RBFOX1: variants seen among roughly 807,000 people sequenced by gnomAD.
The protein encoded by RBFOX1 is RNA binding protein fox-1 homolog 1.
In RBFOX1, 8 loss-of-function variants were observed where a neutral mutation model predicts 57.7. The observed-to-expected ratio is 0.14, with a 90% CI of 0.08 to 0.25. The LOEUF (loss-of-function observed/expected upper bound fraction) is 0.25. Among genes scored for constraint, RBFOX1 ranks in the 10% least tolerant of loss-of-function variants. The pLI, the probability that RBFOX1 is intolerant of heterozygous loss-of-function variation, is 1.00. For missense variants in RBFOX1, 611 were observed against 548.5 expected (o/e 1.11, Z -1.14); for synonymous variants, 326 against 222.4 (o/e 1.47, Z -4.15).
At chr16:5,478,798 C>T (rs1326466011) in intron 2 of RBFOX1, among the ~76,000 whole-genome samples, 1 of 152,048 alleles carries the variant, frequency 6.6e-6, no homozygotes, top group South Asian at 2.1e-4. Flanking sequence ...CAGGAGGAGG[C>T]AGGAGAGAAG....
intron 3 of RBFOX1, among the ~76,000 whole-genome samples, chr16:6,766,385 A>C (rs903078073): frequency 6.6e-6 from 1 of 151,940 alleles, no homozygotes; most frequent in African/African-American, 2.4e-5. Flanking sequence ...TTTTCATTGT[A>C]AATATTATTA....
At chr16:5,742,836 G>T (rs2052825770) in intron 3 of RBFOX1, among the ~76,000 whole-genome samples, 1 of 152,176 alleles carries the variant, frequency 6.6e-6, no homozygotes, top group South Asian at 2.1e-4. Flanking sequence ...AACCAATGGG[G>T]GCTAAGAGCT....
In RBFOX1 at chr16:5,573,374, C is replaced by T. The variant is rs146837134; in HGVS notation, c.259-25528C>T. ...GACCTGAGCTGTTCCACCTCTTCCC[C>T]TGCCTATGTCATGATCACTTTTGGG... On this transcript the variant is annotated intron_variant, in intron 2 of 2. Coordinates refer to the RBFOX1 transcript ENST00000585867. 3.0e-3 allele frequency among the ~76,000 whole-genome samples: 456 copies of T among 152,310 alleles called. 2 individuals are homozygous for T. The highest frequency in any genetic ancestry group is 9.9e-3 in the African/African-American group (411 of 41,566).
In RBFOX1 at chr16:6,279,589, A is replaced by G. The variant is rs117244808; in HGVS notation, c.-126-37406A>G. Among the ~76,000 whole-genome samples, 168 of 152,310 alleles carry G rather than the reference A, an allele frequency of 1.1e-3. 3 individuals carry two copies. In the East Asian group the frequency reaches 0.031, roughly 28 times the overall value. On this transcript the variant is annotated intron_variant, in intron 1 of 15. Coordinates refer to ENST00000550418, the MANE Select transcript of RBFOX1 (RefSeq NM_018723.4). Reference sequence around the variant, plus strand: ...TCACTGAATACAGATCTGATTATCTATTGGCCTTGGAGAAGGAACACTGAG... The same window carrying G: ...TCACTGAATACAGATCTGATTATCTGTTGGCCTTGGAGAAGGAACACTGAG...
chr16:5,361,792 G>C (rs1250765881), intron 1 of RBFOX1, among the ~76,000 whole-genome samples: 1 of 152,170 alleles, frequency 6.6e-6, no homozygotes, highest in Non-Finnish European at 1.5e-5. Context: ...AGCCTGCCTG[G>C]TTTTCACACA....
intron 3 of RBFOX1, among the ~76,000 whole-genome samples, chr16:6,996,738 A>AT (rs1407413789): frequency 6.6e-6 from 1 of 152,124 alleles, no homozygotes; most frequent in Non-Finnish European, 1.5e-5. Flanking sequence ...ATGCTTTGCA[A>AT]TTTTTGAGCA....
chr16:6,568,801 C>T (rs946083677), intron 2 of RBFOX1, among the ~76,000 whole-genome samples: 10 of 152,046 alleles, frequency 6.6e-5, no homozygotes, highest in African/African-American at 2.2e-4. Context: ...ATTGAGTCTT[C>T]TCTGACACCC....
chr16:7,233,781 C>G (rs1162405898), intron 4 of RBFOX1, among the ~76,000 whole-genome samples: 7 of 152,158 alleles, frequency 4.6e-5, no homozygotes, highest in Admixed American at 4.6e-4. Context: ...GCAGTTTTCT[C>G]TTCAAATTCT....
intron 2 of RBFOX1, among the ~76,000 whole-genome samples, chr16:6,424,053 C>G (rs1168008313): frequency 1.3e-5 from 2 of 152,280 alleles, no homozygotes; most frequent in South Asian, 4.1e-4. Flanking sequence ...GCCTGGCCAA[C>G]ATGGTGAAAA....
intron 3 of RBFOX1, among the ~76,000 whole-genome samples, chr16:5,746,478 A>C (rs2151605983): frequency 6.6e-6 from 1 of 152,304 alleles, no homozygotes; most frequent in Non-Finnish European, 1.5e-5. Context: ...CTGTGAAGAA[A>C]GTCATTGGTA....
At chr16:5,446,725 G>A (rs897736182) in intron 1 of RBFOX1, among the ~76,000 whole-genome samples, 3 of 152,064 alleles carry the variant, frequency 2.0e-5, no homozygotes, top group African/African-American at 7.2e-5. Flanking sequence ...GAGTGACTTG[G>A]TAGCTTAGAC....
chr16:5,758,123 A>T (rs982471909), intron 3 of RBFOX1, among the ~76,000 whole-genome samples: 2 of 152,228 alleles, frequency 1.3e-5, no homozygotes, highest in African/African-American at 4.8e-5. Context: ...GGCACAGAGC[A>T]AATGTTAAAT....
At chr16:5,808,243 A>G (rs1287473431) in intron 3 of RBFOX1, among the ~76,000 whole-genome samples, 1 of 152,128 alleles carries the variant, frequency 6.6e-6, no homozygotes, top group Non-Finnish European at 1.5e-5. Flanking sequence ...ACATAGGAAT[A>G]TTTCTGAGGG....
chr16:5,831,473 T>TTATTATTA (rs2056271261), intron 3 of RBFOX1, among the ~76,000 whole-genome samples: 4 of 141,518 alleles, frequency 2.8e-5, no homozygotes, highest in African/African-American at 5.2e-5. Context: ...TCTTTTCTCT[T>TTATTATTA]TTATTATTAT....
At chr16:6,885,130 C>T (rs543657219) in intron 3 of RBFOX1, among the ~76,000 whole-genome samples, 5 of 152,162 alleles carry the variant, frequency 3.3e-5, no homozygotes, top group Non-Finnish European at 7.3e-5. Flanking sequence ...GGAGGAAAGT[C>T]TCAAGCTCTG....
chr16:7,076,737 A>G (rs2058369249), intron 4 of RBFOX1, among the ~76,000 whole-genome samples: 1 of 152,196 alleles, frequency 6.6e-6, no homozygotes, highest in African/African-American at 2.4e-5. Flanking sequence ...TTCACTCGTA[A>G]CAGTGTATGC....
At chr16:7,143,731 C>T (rs963321969) in intron 4 of RBFOX1, among the ~76,000 whole-genome samples, 2 of 152,154 alleles carry the variant, frequency 1.3e-5, no homozygotes, top group South Asian at 4.2e-4. Flanking sequence ...ATACATTCAT[C>T]CATGGGTTTA....
intron 4 of RBFOX1, among the ~76,000 whole-genome samples, chr16:5,968,746 A>C (rs891124800): frequency 6.6e-6 from 1 of 152,070 alleles, no homozygotes; most frequent in African/African-American, 2.4e-5. Context: ...ATTTTTAAAA[A>C]TTTTTAATTT....
chr16:6,655,589 T>G (rs1223103086), intron 3 of RBFOX1, among the ~76,000 whole-genome samples: 1 of 152,068 alleles, frequency 6.6e-6, no homozygotes, highest in Non-Finnish European at 1.5e-5. Flanking sequence ...GACAATTGTT[T>G]GTTAATATTT....
Sources: allele counts gnomAD v4.1 joint callset (sites outside exome capture counted in the v4.1 genomes callset), GRCh38; gene constraint gnomAD v4.1.1; transcripts MANE v1.5; gene names NCBI Gene and HGNC (gene_info 2026-07-23, HGNC 2026-07-21).